The following FAM124A variants were observed in gnomAD, a reference collection of about 807,000 sequenced individuals.
FAM124A encodes the protein family with sequence similarity 124 member A, also known as protein FAM124A.
FAM124A carries 23 observed loss-of-function variants against 24.5 expected under a neutral mutation model. That is an observed-to-expected ratio of 0.94 (90% CI 0.68 to 1.33). FAM124A has a LOEUF of 1.33. FAM124A is among the 40% of genes most tolerant of loss of function. FAM124A has a pLI of 0.00. For missense variants in FAM124A, 623 were observed against 722.8 expected (o/e 0.86, Z 1.58); for synonymous variants, 287 against 314.7 (o/e 0.91, Z 0.93).
intron 3 of FAM124A, among the ~76,000 whole-genome samples, chr13:51,271,931 T>G (rs924686685): frequency 2.0e-5 from 3 of 152,194 alleles, no homozygotes; most frequent in Non-Finnish European, 4.4e-5. Context: ...TTACCACAGT[T>G]TAGGCGTGGA....
At chr13:51,229,215 G>A (rs899718762) in intron 1 of FAM124A, among the ~76,000 whole-genome samples, 1 of 152,232 alleles carries the variant, frequency 6.6e-6, no homozygotes, top group African/African-American at 2.4e-5. Flanking sequence ...GGAGAGAGGG[G>A]TTTGTGTTTT....
In FAM124A at chr13:51,281,165, C is replaced by T. The variant is rs1448871223; in HGVS notation, c.1550C>T (p.Thr517Ile). ...TDSSPQLPCD[T>I]PKVKQTDGDM... ...TCCTCCCCACAGCTCCCATGCGATA[C>T]CCCCAAAGTCAAGCAGACTGATGGA... The change falls in exon 4 of 4, where the codon ACC becomes ATC. Residue 517 changes from threonine to isoleucine, a missense_variant. Coordinates refer to ENST00000322475, the MANE Select transcript of FAM124A (RefSeq NM_001242312.2). The T allele has an allele frequency of 1.2e-6, 2 of 1,613,792 alleles. No homozygotes were observed. The highest frequency in any genetic ancestry group is 1.7e-6 in the Non-Finnish European group (2 of 1,179,938).
At position 51,222,685 on chromosome 13, in the gene FAM124A, C is replaced by G. The variant is rs970165235; in HGVS notation, c.68+116C>G. The stretch of plus-strand genomic sequence containing the variant: ...GACGGGACCGGGGCGCGGGGCTTCT[C>G]CTCCTGCCGGATCCCCCGCTCTCTC... On this transcript the variant is annotated intron_variant, in intron 1 of 3. Transcript: ENST00000322475. 7 of 1,034,578 alleles carry G rather than the reference C, an allele frequency of 6.8e-6. No individual in the cohort carries two copies. In the African/African-American group the frequency reaches 1.2e-4, roughly 17 times the overall value. The allele number at this position is 1,034,578 out of a possible 1,614,324, so 64.1% of individuals were successfully genotyped here. A position where few individuals can be genotyped will look rare whatever the true frequency, so the allele number is the denominator to read the frequency against.
Position 51,242,724 on chromosome 13 carries a change from C to T in FAM124A, c.101-8744C>T, listed in dbSNP as rs79476580. Among the ~76,000 whole-genome samples the T allele has an allele frequency of 5.3e-5, 8 of 152,148 alleles. No individual in the cohort carries two copies. The East Asian group carries it at 1.2e-3, about 22-fold the overall frequency. On this transcript the variant is annotated intron_variant, in intron 2 of 3. Transcript: ENST00000322475. ...CCCATTTCCAAGTGGAAAAAAAAAC[C>T]GGCAGGGTATCTAAAGTATCTGCCT...
chr13:51,244,284 C>T (rs1954532809), intron 2 of FAM124A, among the ~76,000 whole-genome samples: 1 of 152,110 alleles, frequency 6.6e-6, no homozygotes, highest in Admixed American at 6.5e-5. Context: ...ACTTAGCTAC[C>T]CGGCTTACAT....
At chr13:51,243,384 G>A (rs1335449241) in intron 2 of FAM124A, among the ~76,000 whole-genome samples, 19 of 152,204 alleles carry the variant, frequency 1.2e-4, no homozygotes, top group Admixed American at 1.2e-3. Flanking sequence ...TCCCAGGAAG[G>A]AATTTGGAGG....
chr13:51,224,104 C>T (rs1954292111), intron 1 of FAM124A, among the ~76,000 whole-genome samples: 1 of 152,218 alleles, frequency 6.6e-6, no homozygotes. Flanking sequence ...CTCCCCACTC[C>T]TGCTGACACC....
In FAM124A at chr13:51,281,071, A is replaced by C. The variant is rs2137717620; in HGVS notation, c.1456A>C (p.Arg486=). 1 of 1,613,992 alleles carries C rather than the reference A, an allele frequency of 6.2e-7. No individual in the cohort carries two copies. The highest frequency in any genetic ancestry group is 1.1e-5 in the South Asian group (1 of 91,066). Reference sequence around the variant, plus strand: ...GGCTTCCCTCCCTTTCTTCACCAAAAGGTCTTCCAGCTCCTCAGCGACAGC... The same window carrying C: ...GGCTTCCCTCCCTTTCTTCACCAAACGGTCTTCCAGCTCCTCAGCGACAGC... ...SWASLPFFTK[R]SSSSSATARA... The change falls in exon 4 of 4, where the codon AGG becomes CGG. Residue 486 remains arginine (R), a synonymous_variant. Transcript: ENST00000322475.
intron 3 of FAM124A, among the ~76,000 whole-genome samples, chr13:51,269,284 A>AT (rs1487483465): frequency 1.3e-5 from 2 of 152,218 alleles, no homozygotes; most frequent in African/African-American, 4.8e-5. Context: ...TGATATTAAC[A>AT]TTTTTTGTGG....
intron 2 of FAM124A, among the ~76,000 whole-genome samples, chr13:51,246,805 C>A (rs1051725037): frequency 2.0e-5 from 3 of 152,240 alleles, no homozygotes; most frequent in African/African-American, 7.2e-5. Context: ...CTCAGGGAAA[C>A]CTTTGTGTAA....
rs530409897 is a variant in FAM124A at position 51,255,077 on chromosome 13, G to A, written c.834+2876G>A. 2.0e-5 allele frequency among the ~76,000 whole-genome samples: 3 copies of A among 152,076 alleles called. No homozygotes were observed. In the East Asian group the frequency reaches 5.8e-4, roughly 29 times the overall value. ...AAGGGGGAGAGAGAAGAAATTTCTA[G>A]TCCAAAAAAATTGGGCATATGGCTA... On this transcript the variant is annotated intron_variant, in intron 3 of 3. Coordinates refer to ENST00000322475, the MANE Select transcript of FAM124A (RefSeq NM_001242312.2).
intron 3 of FAM124A, among the ~76,000 whole-genome samples, chr13:51,256,650 T>A (rs1166283755): frequency 6.6e-6 from 1 of 152,206 alleles, no homozygotes; most frequent in East Asian, 1.9e-4. Context: ...GAGGGACTGA[T>A]GTGGGCTCCA....
intron 2 of FAM124A, among the ~76,000 whole-genome samples, chr13:51,245,830 G>A (rs540022036): frequency 2.3e-4 from 35 of 152,254 alleles, no homozygotes; most frequent in Admixed American, 1.5e-3. Flanking sequence ...AATAATAAGA[G>A]CATAATAAAT....
intron 3 of FAM124A, among the ~76,000 whole-genome samples, chr13:51,271,574 C>T (rs1374373358): frequency 5.3e-5 from 8 of 152,072 alleles, no homozygotes; most frequent in Non-Finnish European, 1.2e-4. Context: ...GGACCCACCC[C>T]GGAGATTCTG....
intron 2 of FAM124A, 63 bp downstream of exon 2, chr13:51,231,442 G>A (rs1954376432): frequency 6.5e-7 from 1 of 1,545,774 alleles, no homozygotes; most frequent in Admixed American, 1.9e-5. Context: ...CAGTACCCTA[G>A]AGGCCATGTG....
At chr13:51,244,356 CTG>C (rs1191264875) in intron 2 of FAM124A, among the ~76,000 whole-genome samples, 1 of 152,212 alleles carries the variant, frequency 6.6e-6, no homozygotes, top group Non-Finnish European at 1.5e-5. Flanking sequence ...AAGGCAGAGA[CTG>C]TTTTATTCAC....
At chr13:51,278,431 C>T (rs1368435021) in intron 3 of FAM124A, among the ~76,000 whole-genome samples, 1 of 152,182 alleles carries the variant, frequency 6.6e-6, no homozygotes, top group African/African-American at 2.4e-5. Context: ...CAACAAGACC[C>T]CACTTTTAGA....
intron 2 of FAM124A, among the ~76,000 whole-genome samples, chr13:51,241,900 C>T (rs548734460): frequency 6.6e-5 from 10 of 152,238 alleles, no homozygotes; most frequent in Admixed American, 2.0e-4. Flanking sequence ...AGAGTTGCAA[C>T]GGCTAATCAT....
At chr13:51,270,563 A>G (rs758981530) in intron 3 of FAM124A, among the ~76,000 whole-genome samples, 1 of 152,270 alleles carries the variant, frequency 6.6e-6, no homozygotes, top group Non-Finnish European at 1.5e-5. Context: ...TGTTCTTGGC[A>G]TGAATCTTCT....
Sources: gnomAD v4.1 joint callset for allele counts (sites outside exome capture counted in the v4.1 genomes callset) on GRCh38, gnomAD v4.1.1 for gene constraint, MANE v1.5 for transcripts, NCBI Gene and HGNC (gene_info 2026-07-23, HGNC 2026-07-21) for gene names.